The following PLCG1 variants were observed in gnomAD, a reference collection of about 807,000 sequenced individuals.
The protein encoded by PLCG1 is phospholipase C gamma 1.
PLCG1 carries 71 observed loss-of-function variants against 177.8 expected under a neutral mutation model. The observed-to-expected ratio is 0.40, with a 90% confidence interval of 0.33 to 0.49. The LOEUF is 0.49. Ranked by LOEUF, PLCG1 falls within the 20% of genes least tolerant of loss-of-function variation. The pLI, the probability that PLCG1 is intolerant of heterozygous loss-of-function variation, is 0.72. For synonymous variants in PLCG1, 658 were observed against 647.9 expected, an observed-to-expected ratio of 1.02 and a Z score of -0.24; for missense variants, 1,281 against 1,709.0, an observed-to-expected ratio of 0.75 and a Z score of 4.42.
Position 41,162,702 on chromosome 20 carries a change from C to G in PLCG1, c.658C>G (p.Leu220Val). 4 of 1,613,722 alleles carry G rather than the reference C, an allele frequency of 2.5e-6. No homozygotes were observed. The highest frequency in any genetic ancestry group is 3.4e-6 in the Non-Finnish European group (4 of 1,179,874). Reference protein sequence around the residue: ...YGQFAQLYRSLMYSAQKTMDL... With the variant: ...YGQFAQLYRSVMYSAQKTMDL... ...GCAGTTTGCTCAGCTGTACCGCAGC[C>G]TCATGTACAGCGCCCAGAAGACGGT... Residue 220 changes from leucine to valine, a missense_variant, in exon 6 of 32, where the codon CTC (leucine) becomes GTC (valine). Coordinates refer to ENST00000685551, the MANE Select transcript of PLCG1 (RefSeq NM_002660.3).
intron 20 of PLCG1, among the ~76,000 whole-genome samples, chr20:41,168,213 A>T (rs531797454): frequency 3.9e-4 from 59 of 152,250 alleles, no homozygotes; most frequent in Middle Eastern, 3.4e-3. Context: ...AGGAGCTGGG[A>T]GGCACACTGG....
At chr20:41,140,971 C>T (rs892680743) in intron 1 of PLCG1, among the ~76,000 whole-genome samples, 1 of 152,162 alleles carries the variant, frequency 6.6e-6, no homozygotes, top group South Asian at 2.1e-4. Flanking sequence ...CTGTGGTCCA[C>T]GTGGCTCCTC....
rs1034262623 is a variant in PLCG1 at position 41,156,380 on chromosome 20, G to A, written c.218-3226G>A. On this transcript the variant is annotated intron_variant, in intron 1 of 31. Transcript: ENST00000685551. The surrounding 1 kb of genome is among the most constrained non-coding windows in gnomAD (Gnocchi z 5.0). ...CAGCCATCACCATGGGCCTGGGGAC[G>A]TGGTGCTGGGCAGAATGAATATGCT... 2.6e-5 allele frequency among the ~76,000 whole-genome samples: 4 copies of A among 152,190 alleles called. No homozygotes were observed. Among genetic ancestry groups the A allele is most frequent in the African/African-American group, 7.2e-5 (3 of 41,450 alleles).
chr20:41,172,364 C>T lies in PLCG1; in HGVS notation c.2906-57C>T, dbSNP rs1241490169. The T allele has an allele frequency of 2.5e-5, 39 of 1,571,312 alleles. No individual in the cohort carries two copies. Among genetic ancestry groups the T allele is most frequent in the Non-Finnish European group, 3.2e-5 (37 of 1,141,174 alleles). On this transcript the variant is annotated intron_variant, in intron 25 of 31. Coordinates refer to ENST00000685551, the MANE Select transcript of PLCG1 (RefSeq NM_002660.3). This position sits in a 1 kb window ranked among gnomAD's most constrained non-coding sequence, Gnocchi z 7.0. The stretch of plus-strand genomic sequence containing the variant: ...GGGTGCAAAAAGAGTATTTAGGTAT[C>T]CCCCCAACACTTCCTGGGTGGGCGG...
Position 41,164,061 on chromosome 20 carries a change from A to T in PLCG1, c.1097-20A>T. On this transcript the variant is annotated intron_variant, in intron 11 of 31. Coordinates refer to ENST00000685551, the MANE Select transcript of PLCG1 (RefSeq NM_002660.3). This position sits in a 1 kb window ranked among gnomAD's most constrained non-coding sequence, Gnocchi z 6.4. ...AGATGGGAGGCCTGCCCGCTTGACC[A>T]TGGTGATGTTGCTCCCCAGTGGACT... The T allele has an allele frequency of 1.2e-6, 2 of 1,614,138 alleles. No individual in the cohort carries two copies. Among genetic ancestry groups the T allele is most frequent in the Non-Finnish European group, 1.7e-6 (2 of 1,180,026 alleles).
Position 41,163,646 on chromosome 20 carries a change from C to A in PLCG1, c.892-69C>A. ...GACAGAGCACTCTCTCTCCTACCCC[C>A]AACCTACCATCTTGGGTTGGACAGG... On this transcript the variant is annotated intron_variant, in intron 9 of 31. Coordinates refer to ENST00000685551, the MANE Select transcript of PLCG1 (RefSeq NM_002660.3). This position sits in a 1 kb window ranked among gnomAD's most constrained non-coding sequence, Gnocchi z 5.2. 2 of 1,197,372 alleles carry A rather than the reference C, an allele frequency of 1.7e-6. No homozygotes were observed. The highest frequency in any genetic ancestry group is 2.5e-6 in the Non-Finnish European group (2 of 802,750). The allele number at this position is 1,197,372 out of a possible 1,614,324, so 74.2% of individuals were successfully genotyped here.
At position 41,137,830 on chromosome 20, in the gene PLCG1, C is replaced by G. The variant is rs917278892; in HGVS notation, c.189C>G (p.Ser63Arg). Residue 63 changes from serine to arginine, a missense_variant, in exon 1 of 32, where the codon AGC becomes AGG. Coordinates refer to ENST00000685551, the MANE Select transcript of PLCG1 (RefSeq NM_002660.3). This position sits in a 1 kb window ranked among gnomAD's most constrained non-coding sequence, Gnocchi z 7.3. ...VKLETRQITW[S>R]RGADKIEGAI... is the part of the protein sequence containing the mutation. ...TGGAGACGCGCCAGATCACGTGGAG[C>G]CGGGGCGCCGACAAGATCGAGGGGG... The G allele has an allele frequency of 2.3e-6, 3 of 1,296,038 alleles. No homozygotes were observed. The African/African-American group carries it at 4.6e-5, about 20-fold the overall frequency. The allele number at this position is 1,296,038 out of a possible 1,614,324, so 80.3% of individuals were successfully genotyped here.
In PLCG1 at chr20:41,175,394, G is replaced by T. The variant is rs1190614179; in HGVS notation, c.*885G>T. On this transcript the variant is annotated 3_prime_UTR_variant, in exon 32 of 32. Transcript: ENST00000685551. ...AGAAGACTCAGTATGCTTTCCCTGA[G>T]GAATGAAAAAGGGATTGAGGAGTTG... The T allele has an allele frequency of 6.6e-6, 1 of 152,178 alleles. No homozygotes were observed. Among genetic ancestry groups the T allele is most frequent in the Non-Finnish European group, 1.5e-5 (1 of 68,038 alleles). The allele number at this position is 152,178 out of a possible 1,614,324, so 9.4% of individuals were successfully genotyped here.
At position 41,144,243 on chromosome 20, in the gene PLCG1, T is replaced by C. The variant is rs568789449; in HGVS notation, c.217+6385T>C. 1.3e-5 allele frequency among the ~76,000 whole-genome samples: 2 copies of C among 152,186 alleles called. No individual in the cohort carries two copies. Among genetic ancestry groups the C allele is most frequent in the African/African-American group, 4.8e-5 (2 of 41,438 alleles). ...GGTCACATAGCAAGTTCATGGCAGA[T>C]CCTAGGATTTCAGATTCCTGCTATA... On this transcript the variant is annotated intron_variant, in intron 1 of 31. Transcript: ENST00000685551. The surrounding 1 kb of genome is among the most constrained non-coding windows in gnomAD (Gnocchi z 4.1).
At position 41,166,734 on chromosome 20, in the gene PLCG1, C is replaced by T. The variant is rs1474936847; in HGVS notation, c.2176C>T (p.Leu726=). 6.2e-7 allele frequency: 1 copy of T among 1,614,092 alleles called. No individual in the cohort carries two copies. Among genetic ancestry groups the T allele is most frequent in the Non-Finnish European group, 8.5e-7 (1 of 1,179,964 alleles). ...CCAGCAAGAGGGCCAGACAGTGATG[C>T]TAGGGAACTCGGAGTTCGACAGCCT... ...RVQQEGQTVM[L]GNSEFDSLVD... is the part of the protein sequence containing the mutation. Residue 726 remains leucine, a synonymous_variant, in exon 19 of 32, where the codon CTA becomes TTA. Transcript: ENST00000685551. This position sits in a 1 kb window ranked among gnomAD's most constrained non-coding sequence, Gnocchi z 8.6.
rs1240192670 is a variant in PLCG1 at position 41,176,952 on chromosome 20, C to T, written c.*2443C>T. On this transcript the variant is annotated 3_prime_UTR_variant, in exon 32 of 32. Coordinates refer to ENST00000685551, the MANE Select transcript of PLCG1 (RefSeq NM_002660.3). ...CTGTGGAGTCTCAACCCTAACAGCACATTAGCACCACTTGGGGAGCTTCTG... is the reference window on the plus strand; with the variant it reads ...CTGTGGAGTCTCAACCCTAACAGCATATTAGCACCACTTGGGGAGCTTCTG... 1 of 152,264 alleles carries T rather than the reference C, an allele frequency of 6.6e-6. No individual in the cohort carries two copies. Among genetic ancestry groups the T allele is most frequent in the South Asian group, 2.1e-4 (1 of 4,834 alleles). 9.4% of individuals were successfully genotyped at this position (152,264 alleles called of 1,614,324 possible). A position where few individuals can be genotyped will look rare whatever the true frequency, so the allele number is the denominator to read the frequency against.
Position 41,137,782 on chromosome 20 carries a change from G to A in PLCG1, c.141G>A (p.Glu47=). The change falls in exon 1 of 32, where the codon GAG becomes GAA. Residue 47 remains glutamate, a synonymous_variant. Transcript: ENST00000685551. The surrounding 1 kb of genome is among the most constrained non-coding windows in gnomAD (Gnocchi z 7.3). ...LFYSKKSQRP[E]RKTFQVKLET... ...ACTCCAAGAAGTCGCAGCGACCCGA[G>A]CGGAAGACCTTCCAGGTCAAGCTGG... 1 of 1,299,844 alleles carries A rather than the reference G, an allele frequency of 7.7e-7. No homozygotes were observed. The highest frequency in any genetic ancestry group is 3.1e-5 in the South Asian group (1 of 31,980). The allele number at this position is 1,299,844 out of a possible 1,614,324, so 80.5% of individuals were successfully genotyped here.
In PLCG1 at chr20:41,169,458, A is replaced by G. The variant is rs759131687; in HGVS notation, c.2582A>G (p.His861Arg). ...NPVALEPERE[H>R]LDENSPLGDL... ...ATTGGTGGGCTTTGCTTCCCACAGC[A>G]CTTGGACGAGAACAGCCCCCTAGGG... Residue 861 changes from histidine to arginine, a missense_variant and splice_region_variant, in exon 23 of 32, where the codon CAC (histidine) becomes CGC (arginine). By Grantham distance (29) the His-to-Arg change is conservative. Coordinates refer to ENST00000685551, the MANE Select transcript of PLCG1 (RefSeq NM_002660.3). The G allele has an allele frequency of 3.7e-5, 60 of 1,612,820 alleles. No individual in the cohort carries two copies. Among genetic ancestry groups the G allele is most frequent in the Non-Finnish European group, 5.9e-6 (7 of 1,179,032 alleles).
chr20:41,168,931 G>C, intron 21 of PLCG1, 61 bp downstream of exon 21: 1 of 1,258,236 alleles, frequency 7.9e-7, no homozygotes, highest in South Asian at 1.2e-5. Flanking sequence ...GGGCCCCAAA[G>C]ACATGCATTT....
At chr20:41,140,937 CT>C (rs2034804125) in intron 1 of PLCG1, among the ~76,000 whole-genome samples, 2 of 152,206 alleles carry the variant, frequency 1.3e-5, no homozygotes, top group Non-Finnish European at 2.9e-5. Flanking sequence ...CAGAGGCTGA[CT>C]AGCAACCCCA....
At position 41,168,859 on chromosome 20, in the gene PLCG1, A is replaced by G. The variant is rs2146052625; in HGVS notation, c.2472A>G (p.Gln824=). The G allele has an allele frequency of 1.9e-6, 3 of 1,608,624 alleles. No individual in the cohort carries two copies. Among genetic ancestry groups the G allele is most frequent in the Non-Finnish European group, 2.6e-6 (3 of 1,176,274 alleles). The part of the protein sequence containing the change: ...KSAIIQNVEK[Q]EGGWWRGDYG... The stretch of plus-strand genomic sequence containing the variant: ...CCATCATCCAGAATGTGGAGAAGCA[A>G]GAGGGAGGCTGGTAAGCCAGTGGTG... Residue 824 remains glutamine (Q), a synonymous_variant, in exon 21 of 32, where the codon CAA becomes CAG. Transcript: ENST00000685551.
chr20:41,147,414 T>A lies in PLCG1; in HGVS notation c.217+9556T>A, dbSNP rs1163772526. On this transcript the variant is annotated intron_variant, in intron 1 of 31. Transcript: ENST00000685551. This position sits in a 1 kb window ranked among gnomAD's most constrained non-coding sequence, Gnocchi z 4.0. ...TGAGAACTGGTCTACACCGGAAGCA[T>A]GAAGCTCCATACAATCATGTGTGCT... 6.6e-6 allele frequency among the ~76,000 whole-genome samples: 1 copy of A among 152,244 alleles called. No individual in the cohort carries two copies. The highest frequency in any genetic ancestry group is 6.5e-5 in the Admixed American group (1 of 15,288).
At chr20:41,138,057 C>G (rs2034661141) in intron 1 of PLCG1, 199 bp downstream of exon 1, 1 of 388,522 alleles carries the variant, frequency 2.6e-6, no homozygotes, top group Admixed American at 4.5e-5. Context: ...GGTCACCTGA[C>G]AGGACACCCC....
In PLCG1 at chr20:41,172,890, C is replaced by T. The variant is rs995608372; in HGVS notation, c.3279+13C>T. 2.5e-6 allele frequency: 4 copies of T among 1,612,228 alleles called. No homozygotes were observed. The highest frequency in any genetic ancestry group is 1.7e-6 in the Non-Finnish European group (2 of 1,178,812). On this transcript the variant is annotated intron_variant, in intron 27 of 31. Coordinates refer to ENST00000685551, the MANE Select transcript of PLCG1 (RefSeq NM_002660.3). The surrounding 1 kb of genome is among the most constrained non-coding windows in gnomAD (Gnocchi z 7.0). Reference sequence around the variant, plus strand: ...CATCTCTATTGAGGTGGGTGCTGCTCATCTGGGCTTCAGGGTAGGAAAGGG... The same window carrying T: ...CATCTCTATTGAGGTGGGTGCTGCTTATCTGGGCTTCAGGGTAGGAAAGGG...
Sources: gnomAD v4.1 joint callset for allele counts (sites outside exome capture counted in the v4.1 genomes callset) on GRCh38, gnomAD v4.1.1 for gene constraint, Gnocchi (gnomAD v3.1) non-coding constraint, MANE v1.5 for transcripts, NCBI Gene and HGNC (gene_info 2026-07-23, HGNC 2026-07-21) for gene names.